KSR2: variants seen among roughly 807,000 people sequenced by gnomAD.
KSR2 encodes the protein kinase suppressor of ras 2.
Under a neutral mutation model 107.8 loss-of-function variants are expected in KSR2, and 25 were observed. That is an observed-to-expected ratio of 0.23 (90% CI 0.17 to 0.32). The LOEUF (loss-of-function observed/expected upper bound fraction) is 0.32. Among genes scored for constraint, KSR2 ranks in the 10% least tolerant of loss-of-function variants. KSR2 has a pLI of 1.00. For missense variants in KSR2, 887 were observed against 1,268.9 expected (o/e 0.70, Z 4.57); for synonymous variants, 480 against 507.0 (o/e 0.95, Z 0.71).
In KSR2 at chr12:117,464,979, C is replaced by T. The variant is rs991359578; in HGVS notation, c.*2220G>A. ...AAGAGAGGCAAGAGTGAGAAGGTGCCAGTTCTTGTGGACATTTCAGCTGCA... is the reference window on the plus strand; with the variant it reads ...AAGAGAGGCAAGAGTGAGAAGGTGCTAGTTCTTGTGGACATTTCAGCTGCA... On this transcript the variant is annotated 3_prime_UTR_variant, in exon 20 of 20. Coordinates refer to ENST00000339824, the MANE Select transcript of KSR2 (RefSeq NM_173598.6). 3 of 152,238 alleles carry T rather than the reference C, an allele frequency of 2.0e-5. No individual in the cohort carries two copies. Among genetic ancestry groups the T allele is most frequent in the African/African-American group, 4.8e-5 (2 of 41,448 alleles). 9.4% of individuals were successfully genotyped at this position (152,238 alleles called of 1,614,324 possible).
intron 4 of KSR2, among the ~76,000 whole-genome samples, chr12:117,728,643 A>G (rs1294471215): frequency 6.6e-6 from 1 of 152,208 alleles, no homozygotes; most frequent in East Asian, 1.9e-4. Flanking sequence ...CCAGCGCTGC[A>G]AAACACGCCA....
chr12:117,548,180 G>A (rs141235846), intron 9 of KSR2, among the ~76,000 whole-genome samples: 9 of 152,016 alleles, frequency 5.9e-5, no homozygotes, highest in East Asian at 1.9e-4. Context: ...CTCTTTCAGA[G>A]TGGTCTTATG....
intron 14 of KSR2, among the ~76,000 whole-genome samples, chr12:117,501,997 A>T (rs955528537): frequency 6.6e-6 from 1 of 152,264 alleles, no homozygotes; most frequent in Non-Finnish European, 1.5e-5. Context: ...CTTACAGACC[A>T]CTGACTTCAA....
chr12:117,959,953 T>C (rs375897947), intron 1 of KSR2, among the ~76,000 whole-genome samples: 4 of 150,312 alleles, frequency 2.7e-5, no homozygotes, highest in East Asian at 2.0e-4. Context: ...AAAAAAAAAC[T>C]TCAAGTACCT....
Position 117,875,154 on chromosome 12 carries a change from C to CA in KSR2, c.181-14724dup, listed in dbSNP as rs915598568. On this transcript the variant is annotated intron_variant, in intron 1 of 19. Transcript: ENST00000339824. Reference sequence around the variant, plus strand: ...AATTTAGCAGCATAAACAACAACAACAAAAAAAATCAAAAAGTCAAGACAT... The same window carrying CA: ...AATTTAGCAGCATAAACAACAACAACAAAAAAAAATCAAAAAGTCAAGACAT... 7.9e-5 allele frequency among the ~76,000 whole-genome samples: 12 copies of CA among 151,840 alleles called. No homozygotes were observed. The East Asian group carries it at 9.7e-4, about 12-fold the overall frequency.
chr12:117,509,931 A>G (rs904517801), intron 14 of KSR2, among the ~76,000 whole-genome samples: 1 of 152,168 alleles, frequency 6.6e-6, no homozygotes, highest in Non-Finnish European at 1.5e-5. Flanking sequence ...ACTGCCATCA[A>G]AGGGAGAAGA....
At position 117,466,860 on chromosome 12, in the gene KSR2, C is replaced by G. The variant is rs373545588; in HGVS notation, c.*339G>C. On this transcript the variant is annotated 3_prime_UTR_variant, in exon 20 of 20. Coordinates refer to ENST00000339824, the MANE Select transcript of KSR2 (RefSeq NM_173598.6). ...ACATAGCCCCGTCTGTGAGCCCCCCCACGTGGGGTCTCCTGTCCTAGTCCC... is the reference window on the plus strand; with the variant it reads ...ACATAGCCCCGTCTGTGAGCCCCCCGACGTGGGGTCTCCTGTCCTAGTCCC... The G allele has an allele frequency of 5.6e-5, 17 of 305,022 alleles. No individual in the cohort carries two copies. Among genetic ancestry groups the G allele is most frequent in the African/African-American group, 1.7e-4 (8 of 46,622 alleles). 18.9% of individuals were successfully genotyped at this position (305,022 alleles called of 1,614,324 possible).
intron 14 of KSR2, among the ~76,000 whole-genome samples, chr12:117,518,853 T>C (rs1054498167): frequency 5.3e-5 from 8 of 152,188 alleles, no homozygotes; most frequent in African/African-American, 9.6e-5. Context: ...CATTGCTAGA[T>C]CCTAGCTCAA....
intron 4 of KSR2, among the ~76,000 whole-genome samples, chr12:117,743,221 C>T (rs1888288249): frequency 6.6e-6 from 1 of 152,212 alleles, no homozygotes; most frequent in Non-Finnish European, 1.5e-5. Flanking sequence ...GGTTTTCAGC[C>T]CAACTTCCCA....
At chr12:117,812,747 A>T (rs1477093681) in intron 3 of KSR2, among the ~76,000 whole-genome samples, 2 of 151,792 alleles carry the variant, frequency 1.3e-5, no homozygotes, top group Admixed American at 1.3e-4. Flanking sequence ...CTACAGATTC[A>T]ATGCAATCTC....
At chr12:117,951,638 G>A (rs1378028506) in intron 1 of KSR2, among the ~76,000 whole-genome samples, 1 of 152,184 alleles carries the variant, frequency 6.6e-6, no homozygotes, top group African/African-American at 2.4e-5. Flanking sequence ...AGAGCAGGGG[G>A]ATGCTGGCTG....
chr12:117,526,107 G>C (rs73403396), intron 13 of KSR2, among the ~76,000 whole-genome samples: 2,475 of 152,274 alleles, frequency 0.016, 54 homozygotes, highest in East Asian at 0.095. Context: ...TGGGAGGCCC[G>C]AGAAAATGCA....
chr12:117,936,352 G>A (rs530145283), intron 1 of KSR2, among the ~76,000 whole-genome samples: 3 of 151,778 alleles, frequency 2.0e-5, no homozygotes, highest in African/African-American at 7.3e-5. Flanking sequence ...TTTAAGACAC[G>A]GTCTCAATCT....
intron 4 of KSR2, among the ~76,000 whole-genome samples, chr12:117,693,558 C>T (rs539696797): frequency 2.0e-5 from 3 of 152,296 alleles, no homozygotes; most frequent in East Asian, 3.9e-4. Flanking sequence ...AAGCAACAAT[C>T]GTAATAGACA....
rs1365449169 is a variant in KSR2, at chr12:117,455,043, A to AGAGAGAGAGAGT, written c.*12155_*12156insACTCTCTCTCTC. On this transcript the variant is annotated 3_prime_UTR_variant, in exon 20 of 20. Coordinates refer to ENST00000339824, the MANE Select transcript of KSR2 (RefSeq NM_173598.6). The stretch of plus-strand genomic sequence containing the variant: ...CACAGAGACAGACAGACAGAGAGAG[A>AGAGAGAGAGAGT]GAGAGAGAGAGAGAGAGAGAGAGAG... 2.0e-5 allele frequency: 3 copies of AGAGAGAGAGAGT among 149,376 alleles called. No individual in the cohort carries two copies. The highest frequency in any genetic ancestry group is 7.5e-5 in the African/African-American group (3 of 39,788). 9.3% of individuals were successfully genotyped at this position (149,376 alleles called of 1,614,324 possible).
intron 16 of KSR2, among the ~76,000 whole-genome samples, chr12:117,478,262 A>T (rs1871921166): frequency 6.6e-6 from 1 of 152,074 alleles, no homozygotes; most frequent in African/African-American, 2.4e-5. Context: ...CATAATCATG[A>T]TTTTTGCCAT....
intron 4 of KSR2, among the ~76,000 whole-genome samples, chr12:117,681,810 A>G (rs1885374964): frequency 1.3e-5 from 2 of 152,190 alleles, no homozygotes; most frequent in Admixed American, 1.3e-4. Context: ...ACACTTTTAC[A>G]CTACTGGCAG....
intron 5 of KSR2, among the ~76,000 whole-genome samples, chr12:117,607,183 C>T (rs891058185): frequency 7.2e-5 from 11 of 152,308 alleles, no homozygotes; most frequent in Admixed American, 6.5e-4. Flanking sequence ...ACCTGTCTGG[C>T]TCAGAGCAGT....
chr12:117,542,604 C>T (rs1876585434), intron 9 of KSR2, among the ~76,000 whole-genome samples: 1 of 152,134 alleles, frequency 6.6e-6, no homozygotes, highest in South Asian at 2.1e-4. Flanking sequence ...ATATTTAACC[C>T]CTGGCACTTC....
Sources: allele counts gnomAD v4.1 joint callset (sites outside exome capture counted in the v4.1 genomes callset), GRCh38; gene constraint gnomAD v4.1.1; transcripts MANE v1.5; gene names NCBI Gene and HGNC (gene_info 2026-07-23, HGNC 2026-07-21).